Variants in DENND1A observed in about 807,000 individuals in gnomAD.
DENND1A encodes the protein DENN domain-containing protein 1A.
DENND1A carries 51 observed loss-of-function variants against 113.7 expected under a neutral mutation model. The observed-to-expected ratio is 0.45, with a 90% CI of 0.36 to 0.57. The LOEUF (loss-of-function observed/expected upper bound fraction) is 0.57. Ranked by LOEUF, DENND1A falls within the 20% of genes least tolerant of loss-of-function variation. DENND1A has a pLI of 0.00. For synonymous variants in DENND1A, 565 were observed against 570.8 expected (o/e 0.99, Z 0.14); for missense variants, 1,258 against 1,395.9 (o/e 0.90, Z 1.57).
chr9:123,928,783 C>T (rs1259068306), intron 1 of DENND1A: 3 of 985,440 alleles, frequency 3.0e-6, no homozygotes, highest in African/African-American at 3.5e-5. Flanking sequence ...ACCCTTAAGG[C>T]CCTTCTCCTT....
chr9:123,499,378 T>C (rs1301944652), intron 13 of DENND1A, among the ~76,000 whole-genome samples: 1 of 152,226 alleles, frequency 6.6e-6, no homozygotes, highest in Non-Finnish European at 1.5e-5. Flanking sequence ...ATCTGAATTA[T>C]AGGAAAAAGA....
intron 11 of DENND1A, among the ~76,000 whole-genome samples, chr9:123,592,174 C>T (rs528071534): frequency 8.7e-4 from 133 of 152,282 alleles, no homozygotes; most frequent in African/African-American, 3.1e-3. Flanking sequence ...AAGTTTCTAT[C>T]CTTGCAATTT....
At chr9:123,877,784 T>C (rs2133538258) in intron 2 of DENND1A, among the ~76,000 whole-genome samples, 1 of 152,230 alleles carries the variant, frequency 6.6e-6, no homozygotes, top group East Asian at 1.9e-4. Context: ...ATTGTGCCAT[T>C]GCACTCCAGC....
chr9:123,919,775 G>C (rs989567903), intron 1 of DENND1A, among the ~76,000 whole-genome samples: 3 of 151,630 alleles, frequency 2.0e-5, no homozygotes, highest in Non-Finnish European at 4.4e-5. Context: ...CCAGCTACTG[G>C]GGTGGCTGAG....
At chr9:123,436,466 TG>T (rs1300356094) in intron 19 of DENND1A, among the ~76,000 whole-genome samples, 2 of 152,240 alleles carry the variant, frequency 1.3e-5, no homozygotes, top group African/African-American at 2.4e-5. Context: ...TAAACACAGC[TG>T]GCACTTTTAT....
chr9:123,408,342 C>T (rs1396502252), intron 20 of DENND1A, among the ~76,000 whole-genome samples: 2 of 152,184 alleles, frequency 1.3e-5, no homozygotes, highest in African/African-American at 4.8e-5. Flanking sequence ...CTTAGGGGCC[C>T]AGAAAGCACA....
chr9:123,728,176 T>C (rs1207749904), intron 5 of DENND1A, among the ~76,000 whole-genome samples: 1 of 148,804 alleles, frequency 6.7e-6, no homozygotes, highest in Non-Finnish European at 1.5e-5. Context: ...ACCCAAATAT[T>C]GTAAAAAGGT....
At chr9:123,503,256 T>C (rs921764127) in intron 13 of DENND1A, among the ~76,000 whole-genome samples, 7 of 152,212 alleles carry the variant, frequency 4.6e-5, no homozygotes, top group Non-Finnish European at 1.0e-4. Context: ...CTACTCTCTT[T>C]ATGCCTCTGT....
chr9:123,552,039 C>CAGAG lies in DENND1A; in HGVS notation c.993+5527_993+5530dup, dbSNP rs58452320. 6.0e-3 allele frequency among the ~76,000 whole-genome samples: 774 copies of CAGAG among 128,408 alleles called. 6 individuals carry two copies. Among genetic ancestry groups the CAGAG allele is most frequent in the African/African-American group, 0.015 (500 of 32,524 alleles). 84.2% of individuals were successfully genotyped at this position (128,408 alleles called of 152,430 possible). A position where few individuals can be genotyped will look rare whatever the true frequency, so the allele number is the denominator to read the frequency against. On this transcript the variant is annotated intron_variant, in intron 13 of 23. Transcript: ENST00000394215. Reference sequence around the variant, plus strand: ...AGAGCGAGAGAGAGAGAGAGAGAGACAGAGAGAGAGAGAGAGAGAGAGAGA... The same window carrying CAGAG: ...AGAGCGAGAGAGAGAGAGAGAGAGACAGAGAGAGAGAGAGAGAGAGAGAGAGAGA...
At chr9:123,894,006 G>A (rs939138442) in intron 1 of DENND1A, among the ~76,000 whole-genome samples, 3 of 152,142 alleles carry the variant, frequency 2.0e-5, no homozygotes, top group Non-Finnish European at 2.9e-5. Flanking sequence ...TCTCCACACC[G>A]TCACAAAACT....
intron 19 of DENND1A, among the ~76,000 whole-genome samples, chr9:123,418,724 C>A (rs2044962932): frequency 1.3e-5 from 2 of 152,226 alleles, no homozygotes; most frequent in African/African-American, 4.8e-5. Flanking sequence ...TGCACACTCA[C>A]CAGCGCAAGG....
At chr9:123,494,510 C>T (rs887957290) in intron 13 of DENND1A, among the ~76,000 whole-genome samples, 2 of 152,176 alleles carry the variant, frequency 1.3e-5, no homozygotes, top group African/African-American at 4.8e-5. Context: ...TTTTCCAGAG[C>T]CTCTTAGGAG....
At chr9:123,448,699 T>C (rs1039210584) in intron 18 of DENND1A, among the ~76,000 whole-genome samples, 2 of 152,252 alleles carry the variant, frequency 1.3e-5, no homozygotes, top group East Asian at 1.9e-4. Context: ...TTAAGGTCTA[T>C]CTGGATTTAC....
chr9:123,800,609 G>A (rs1283859827), intron 2 of DENND1A, among the ~76,000 whole-genome samples: 1 of 152,120 alleles, frequency 6.6e-6, no homozygotes, highest in African/African-American at 2.4e-5. Flanking sequence ...TCAACAATAA[G>A]AATACATCTG....
At chr9:123,627,630 C>T (rs1027491071) in intron 10 of DENND1A, among the ~76,000 whole-genome samples, 1 of 151,708 alleles carries the variant, frequency 6.6e-6, no homozygotes, top group East Asian at 1.9e-4. Flanking sequence ...ATCCCAGCTA[C>T]TCAGGAGGCT....
At chr9:123,541,685 G>A (rs2056299270) in intron 13 of DENND1A, among the ~76,000 whole-genome samples, 2 of 152,194 alleles carry the variant, frequency 1.3e-5, no homozygotes, top group Non-Finnish European at 2.9e-5. Context: ...CAAAAATCCT[G>A]CCACGCCTCC....
intron 13 of DENND1A, among the ~76,000 whole-genome samples, chr9:123,518,733 C>G (rs2054144010): frequency 6.6e-6 from 1 of 152,150 alleles, no homozygotes; most frequent in South Asian, 2.1e-4. Context: ...TCCACTGACA[C>G]CACAGTCCAT....
intron 5 of DENND1A, among the ~76,000 whole-genome samples, chr9:123,707,538 T>C (rs2066306660): frequency 2.0e-5 from 3 of 151,940 alleles, no homozygotes; most frequent in Non-Finnish European, 4.4e-5. Flanking sequence ...GAAAACAGGG[T>C]TCCCTTCCCT....
At chr9:123,444,441 G>A (rs767321874) in intron 18 of DENND1A, among the ~76,000 whole-genome samples, 12 of 152,120 alleles carry the variant, frequency 7.9e-5, no homozygotes, top group Non-Finnish European at 1.8e-4. Flanking sequence ...ATCGCTTGAG[G>A]TCAGGAGTTT....
Sources: gnomAD v4.1 joint callset for allele counts (sites outside exome capture counted in the v4.1 genomes callset) on GRCh38, gnomAD v4.1.1 for gene constraint, MANE v1.5 for transcripts, NCBI Gene and HGNC (gene_info 2026-07-23, HGNC 2026-07-21) for gene names.